The following CD109 variants were observed in gnomAD, a reference collection of about 807,000 sequenced individuals.
CD109 encodes CD109 antigen.
Under a neutral mutation model 165.8 loss-of-function variants are expected in CD109, and 149 were observed. The ratio of observed to expected loss-of-function variants is 0.90; its 90% CI spans 0.79 to 1.03. The LOEUF (loss-of-function observed/expected upper bound fraction) is 1.03, where lower values mean the gene tolerates loss of function less well. Ranked by LOEUF, CD109 falls within the 50% of genes least tolerant of loss-of-function variation. The probability of loss-of-function intolerance (pLI) is 0.00; values close to 1 mark genes in which losing one functional copy is unlikely to be tolerated. For missense variants in CD109, 1,712 were observed against 1,677.8 expected (o/e 1.02, Z -0.36); for synonymous variants, 585 against 592.1 (o/e 0.99, Z 0.18).
At position 73,783,811 on chromosome 6, in the gene CD109, C is replaced by G. The variant is rs747713076; in HGVS notation, c.2210C>G (p.Thr737Ser). 6.3e-7 allele frequency: 1 copy of G among 1,580,508 alleles called. No homozygotes were observed. The highest frequency in any genetic ancestry group is 2.2e-5 in the East Asian group (1 of 44,658). Residue 737 changes from threonine (T) to serine (S), a missense_variant, in exon 19 of 33, where the codon ACT becomes AGT. Coordinates refer to ENST00000287097, the MANE Select transcript of CD109 (RefSeq NM_133493.5). ...ISEDLGLGLT[T>S]TPVELQAFQP... ...GAGGACCTGGGTCTTGGACTAACAA[C>G]TACTCCAGTGGAGGTATTGTATTAA...
intron 2 of CD109, among the ~76,000 whole-genome samples, chr6:73,705,674 A>G (rs888346784): frequency 6.6e-6 from 1 of 152,132 alleles, no homozygotes; most frequent in Non-Finnish European, 1.5e-5. Context: ...ACAACGAGCA[A>G]TCAGAGAAGG....
chr6:73,693,897 T>C (rs1770738412), upstream of CD109: 1 of 152,234 alleles, frequency 6.6e-6, no homozygotes, highest in South Asian at 2.1e-4. Flanking sequence ...TTTTCTTTTT[T>C]TTTTTGAGAC....
intron 26 of CD109, 150 bp from the exon 27 acceptor site, chr6:73,809,834 A>T: frequency 1.7e-6 from 1 of 572,366 alleles, no homozygotes; most frequent in South Asian, 2.4e-5. Flanking sequence ...TGATAAATAA[A>T]TACATGTCTG....
intron 31 of CD109, among the ~76,000 whole-genome samples, chr6:73,819,446 T>A (rs2150311004): frequency 6.6e-6 from 1 of 152,308 alleles, no homozygotes; most frequent in East Asian, 1.9e-4. Context: ...AGCATCTATA[T>A]GAGCTTCATA....
intron 14 of CD109, 70 bp downstream of exon 14, chr6:73,768,301 T>C (rs1265455831): frequency 5.2e-6 from 5 of 960,648 alleles, no homozygotes; most frequent in Non-Finnish European, 7.8e-6. Context: ...GTAATATTTC[T>C]TTAGAAAAGT....
chr6:73,775,630 C>T (rs545051627), intron 15 of CD109, among the ~76,000 whole-genome samples: 46 of 152,192 alleles, frequency 3.0e-4, no homozygotes, highest in African/African-American at 1.0e-3. Flanking sequence ...GTATGAAGTC[C>T]AGTACCCATT....
intron 3 of CD109, among the ~76,000 whole-genome samples, chr6:73,726,138 G>T (rs1430779085): frequency 1.3e-5 from 2 of 152,168 alleles, no homozygotes; most frequent in African/African-American, 4.8e-5. Context: ...AAGTGCACTT[G>T]CATTCTGACA....
rs1212688408 is a variant in CD109, at chr6:73,811,073, A to G, written c.3628A>G (p.Thr1210Ala). 6.2e-7 allele frequency: 1 copy of G among 1,613,504 alleles called. No individual in the cohort carries two copies. The highest frequency in any genetic ancestry group is 8.5e-7 in the Non-Finnish European group (1 of 1,179,624). The change falls in exon 28 of 33, where the codon ACG becomes GCG. Residue 1210 changes from threonine to alanine, a missense_variant. Coordinates refer to ENST00000287097, the MANE Select transcript of CD109 (RefSeq NM_133493.5). The stretch of plus-strand genomic sequence containing the variant: ...AAGGACAAATATCCAAGTGACCGTG[A>G]CGGGGCCTAGCTCACCAAGTCCTGT... ...TERTNIQVTV[T>A]GPSSPSPVKF...
rs570267212 is a variant in CD109, at chr6:73,768,290, T to C, written c.1674+59T>C. ...CTTTATATTAGTGAAGTCTGAGAAA[T>C]GTAATATTTCTTTAGAAAAGTATCA... is the stretch of plus-strand genomic sequence containing the variant. On this transcript the variant is annotated intron_variant, in intron 14 of 32. Transcript: ENST00000287097. 5.8e-6 allele frequency: 6 copies of C among 1,040,202 alleles called. No individual in the cohort carries two copies. In the East Asian group the frequency reaches 9.9e-5, roughly 17 times the overall value. The allele number at this position is 1,040,202 out of a possible 1,614,324, so 64.4% of individuals were successfully genotyped here.
At chr6:73,685,906 T>C in the CD109 span, among the ~76,000 whole-genome samples, 1 of 152,230 alleles carries the variant, frequency 6.6e-6, no homozygotes, top group South Asian at 2.1e-4. Context: ...TTGGATGTCT[T>C]TGTATTTCTT....
intron 5 of CD109, among the ~76,000 whole-genome samples, chr6:73,750,504 A>G (rs1343048225): frequency 6.6e-6 from 1 of 152,162 alleles, no homozygotes; most frequent in African/African-American, 2.4e-5. Context: ...GGTTAGAGGA[A>G]AGCAACCTGG....
intron 9 of CD109, among the ~76,000 whole-genome samples, chr6:73,763,352 A>G (rs1773707666): frequency 6.6e-6 from 1 of 152,206 alleles, no homozygotes. Context: ...GCTGTTGTAC[A>G]TGTCACTGCG....
In CD109 at chr6:73,811,092, G is replaced by A; in HGVS notation, c.3647G>A (p.Ser1216Asn). Residue 1216 changes from serine to asparagine, a missense_variant, in exon 28 of 33, where the codon AGT (serine) becomes AAT (asparagine). Physicochemically the swap from Ser to Asn is conservative, Grantham distance 46. Coordinates refer to ENST00000287097, the MANE Select transcript of CD109 (RefSeq NM_133493.5). ...QVTVTGPSSP[S>N]PVKFLIDTHN... ...ACCGTGACGGGGCCTAGCTCACCAA[G>A]TCCTGTAAAGTTTCTGATTGACACA... 6.2e-7 allele frequency: 1 copy of A among 1,613,394 alleles called. No individual in the cohort carries two copies. The highest frequency in any genetic ancestry group is 8.5e-7 in the Non-Finnish European group (1 of 1,179,588).
intron 24 of CD109, 87 bp from the exon 25 acceptor site, chr6:73,806,757 A>G (rs1432311096): frequency 1.2e-6 from 1 of 857,964 alleles, no homozygotes; most frequent in Non-Finnish European, 1.8e-6. Context: ...CTGATGGGGG[A>G]AAAAGTGTTG....
intron 31 of CD109, among the ~76,000 whole-genome samples, chr6:73,820,187 G>T (rs1031153482): frequency 3.9e-5 from 6 of 152,136 alleles, no homozygotes; most frequent in African/African-American, 1.2e-4. Flanking sequence ...AGATCTAGGT[G>T]CATGCACCCT....
chr6:73,781,418 T>C, intron 17 of CD109, 99 bp downstream of exon 17: 1 of 996,482 alleles, frequency 1.0e-6, no homozygotes, highest in Middle Eastern at 2.1e-4. Flanking sequence ...ATAGAGATTG[T>C]GATTTTCATT....
At chr6:73,820,647 G>A in intron 32 of CD109, 84 bp downstream of exon 32, 1 of 787,590 alleles carries the variant, frequency 1.3e-6, no homozygotes. Flanking sequence ...ACATTGGATT[G>A]GTTCTGTGGC....
At chr6:73,706,591 T>C (rs1771273916) in intron 2 of CD109, among the ~76,000 whole-genome samples, 1 of 152,148 alleles carries the variant, frequency 6.6e-6, no homozygotes, top group Non-Finnish European at 1.5e-5. Flanking sequence ...TCTCTTTCAC[T>C]CTTCACTTAC....
chr6:73,794,757 A>G (rs1027995831), intron 23 of CD109, among the ~76,000 whole-genome samples: 1 of 152,146 alleles, frequency 6.6e-6, no homozygotes, highest in African/African-American at 2.4e-5. Flanking sequence ...CCATGCAGAC[A>G]CTATGACCGG....
Sources: allele counts gnomAD v4.1 joint callset (sites outside exome capture counted in the v4.1 genomes callset), GRCh38; gene constraint gnomAD v4.1.1; transcripts MANE v1.5; gene names NCBI Gene and HGNC (gene_info 2026-07-23, HGNC 2026-07-21).